Variants in PDE1A observed in about 807,000 individuals in gnomAD.
The protein encoded by PDE1A is dual specificity calcium/calmodulin-dependent 3',5'-cyclic nucleotide phosphodiesterase 1A.
A neutral mutation model predicts 61.7 loss-of-function variants in PDE1A; 35 were observed. The observed-to-expected ratio is 0.57, with a 90% CI of 0.43 to 0.75. The LOEUF (loss-of-function observed/expected upper bound fraction) is 0.75. Ranked by LOEUF, PDE1A falls within the 30% of genes least tolerant of loss-of-function variation. PDE1A has a pLI of 0.00. For missense variants in PDE1A, 597 were observed against 630.6 expected (o/e 0.95, Z 0.57); for synonymous variants, 232 against 213.2 (o/e 1.09, Z -0.77).
chr2:182,282,954 G>C (rs1693909888), intron 1 of PDE1A, among the ~76,000 whole-genome samples: 1 of 151,860 alleles, frequency 6.6e-6, no homozygotes, highest in South Asian at 2.1e-4. Flanking sequence ...CACAGAAGAG[G>C]CATGTCTAAA....
At chr2:182,668,071 G>T in the PDE1A span, among the ~76,000 whole-genome samples, 3 of 152,176 alleles carry the variant, frequency 2.0e-5, no homozygotes, top group Non-Finnish European at 4.4e-5. Context: ...GGTGGAGAAG[G>T]AATCCAAAAT....
chr2:182,638,906 CA>C, the PDE1A span, among the ~76,000 whole-genome samples: 1 of 152,098 alleles, frequency 6.6e-6, no homozygotes, highest in Non-Finnish European at 1.5e-5. Flanking sequence ...GAAAGTGTAG[CA>C]AAGATACTCA....
the PDE1A span, among the ~76,000 whole-genome samples, chr2:182,652,756 A>G: frequency 6.6e-6 from 1 of 152,200 alleles, no homozygotes; most frequent in South Asian, 2.1e-4. Context: ...ACTGGTACCC[A>G]AATCATAATT....
At chr2:182,600,698 T>C in the PDE1A span, among the ~76,000 whole-genome samples, 3 of 152,194 alleles carry the variant, frequency 2.0e-5, no homozygotes, top group Admixed American at 6.5e-5. Context: ...GAAATACATG[T>C]CCCCTAAAAG....
chr2:182,294,059 T>C (rs1034206713), intron 1 of PDE1A, among the ~76,000 whole-genome samples: 3 of 152,246 alleles, frequency 2.0e-5, no homozygotes, highest in African/African-American at 7.2e-5. Flanking sequence ...AAATAATTTA[T>C]GTCTCTGGCA....
chr2:182,146,132 C>T (rs1047205349), downstream of PDE1A, among the ~76,000 whole-genome samples: 2 of 152,150 alleles, frequency 1.3e-5, no homozygotes, highest in South Asian at 4.1e-4. Context: ...CCCATATCTC[C>T]GCCATCGGTT....
chr2:182,585,068 C>G, the PDE1A span, among the ~76,000 whole-genome samples: 1,527 of 152,248 alleles, frequency 0.01, 12 homozygotes, highest in Middle Eastern at 0.034. Flanking sequence ...TAGAGGAGCA[C>G]AGTAATGTTT....
chr2:182,514,586 T>G (rs185167256), intron 2 of PDE1A, among the ~76,000 whole-genome samples: 160 of 152,308 alleles, frequency 1.1e-3, no homozygotes, highest in Non-Finnish European at 1.8e-3. Flanking sequence ...CCCTATTCAA[T>G]AAACCATGCT....
intron 1 of PDE1A, among the ~76,000 whole-genome samples, chr2:182,345,926 T>C (rs1364346782): frequency 1.3e-5 from 2 of 152,200 alleles, no homozygotes; most frequent in Non-Finnish European, 2.9e-5. Context: ...ATTATCTGTC[T>C]CCTGCAATGT....
At chr2:182,511,045 C>T (rs1375036206) in intron 2 of PDE1A, among the ~76,000 whole-genome samples, 1 of 151,984 alleles carries the variant, frequency 6.6e-6, no homozygotes, top group Admixed American at 6.6e-5. Flanking sequence ...CTGACAAAAG[C>T]TAGGAATTCT....
intron 2 of PDE1A, among the ~76,000 whole-genome samples, chr2:182,479,694 A>G (rs1336601560): frequency 6.6e-6 from 1 of 151,934 alleles, no homozygotes; most frequent in African/African-American, 2.4e-5. Context: ...AGTCTTTATC[A>G]TATTCTGCCT....
At chr2:182,186,876 G>A (rs187681958) in intron 11 of PDE1A, among the ~76,000 whole-genome samples, 1 of 152,232 alleles carries the variant, frequency 6.6e-6, no homozygotes, top group Non-Finnish European at 1.5e-5. Flanking sequence ...TATAATATAC[G>A]ATTGCTAACA....
downstream of PDE1A, chr2:182,147,035 C>T: frequency 8.2e-7 from 1 of 1,214,810 alleles, no homozygotes. Flanking sequence ...AATAAAATTA[C>T]CTCTCATGTT....
At chr2:182,370,611 G>A (rs1253128228) in intron 1 of PDE1A, among the ~76,000 whole-genome samples, 1 of 152,204 alleles carries the variant, frequency 6.6e-6, no homozygotes, top group Non-Finnish European at 1.5e-5. Flanking sequence ...CAAGACTGCT[G>A]TTGCTGGTGA....
the PDE1A span, among the ~76,000 whole-genome samples, chr2:182,580,767 T>C: frequency 1.3e-5 from 2 of 152,136 alleles, no homozygotes. Flanking sequence ...TGCACTTCCT[T>C]TTAACAGCAT....
At chr2:182,675,181 C>G in the PDE1A span, among the ~76,000 whole-genome samples, 8 of 152,114 alleles carry the variant, frequency 5.3e-5, no homozygotes, top group African/African-American at 1.7e-4. Context: ...TTATTTAGCT[C>G]CCACTTATAA....
intron 1 of PDE1A, among the ~76,000 whole-genome samples, chr2:182,374,959 G>A (rs924158908): frequency 6.6e-6 from 1 of 152,148 alleles, no homozygotes; most frequent in African/African-American, 2.4e-5. Context: ...AGAATGAGGA[G>A]GATGCAAAAG....
chr2:182,189,055 A>T, exon 11 of PDE1A: 3 of 1,609,578 alleles, frequency 1.9e-6, no homozygotes, highest in Non-Finnish European at 2.5e-6. Context: ...CAGCTTCTTT[A>T]TCTCCCTGGA....
intron 7 of PDE1A, among the ~76,000 whole-genome samples, chr2:182,211,934 C>T (rs1687636510): frequency 6.6e-6 from 1 of 152,044 alleles, no homozygotes; most frequent in African/African-American, 2.4e-5. Context: ...ACAATCATAT[C>T]ATCTGCAAAC....
Sources: allele counts gnomAD v4.1 joint callset (sites outside exome capture counted in the v4.1 genomes callset), GRCh38; gene constraint gnomAD v4.1.1; transcripts MANE v1.5; gene names NCBI Gene and HGNC (gene_info 2026-07-23, HGNC 2026-07-21).